Variants in INIP observed in about 807,000 individuals in gnomAD.
INIP encodes the protein INTS3 and NABP interacting protein.
Under a neutral mutation model 14.0 loss-of-function variants are expected in INIP, and 9 were observed. The observed-to-expected ratio is 0.64, with a 90% CI of 0.39 to 1.12. The LOEUF is 1.12. INIP is among the 50% of genes most tolerant of loss of function. The pLI is 0.01. For synonymous variants in INIP, 37 were observed against 41.5 expected, an observed-to-expected ratio of 0.89 and a Z score of 0.41; for missense variants, 78 against 122.7, an observed-to-expected ratio of 0.64 and a Z score of 1.72.
Position 112,716,448 on chromosome 9 carries a change from C to T in INIP, c.25+13G>A, listed in dbSNP as rs185385515. On this transcript the variant is annotated intron_variant, in intron 2 of 4. Transcript: ENST00000374242. ...GGAAATGTTCATAGTAAAGAAATTC[C>T]TGCTGTCATTACCTTGTCCTGAAGA... 1.9e-6 allele frequency: 3 copies of T among 1,612,180 alleles called. No individual in the cohort carries two copies. In the East Asian group the frequency reaches 6.7e-5, roughly 36 times the overall value.
rs1837653653 is a variant in INIP at position 112,686,049 on chromosome 9, T to G, written c.*1489A>C. 6.6e-6 allele frequency: 1 copy of G among 152,118 alleles called. No homozygotes were observed. Among genetic ancestry groups the G allele is most frequent in the African/African-American group, 2.4e-5 (1 of 41,422 alleles). 9.4% of individuals were successfully genotyped at this position (152,118 alleles called of 1,614,324 possible). ...AAACTCTCTGAAAAGAAAGTAGAAC[T>G]TTCACTAAATATTGACCCAAACTGG... On this transcript the variant is annotated 3_prime_UTR_variant, in exon 5 of 5. Coordinates refer to ENST00000374242, the MANE Select transcript of INIP (RefSeq NM_021218.3).
At chr9:112,693,612 T>G (rs1339071745) in intron 3 of INIP, among the ~76,000 whole-genome samples, 1 of 152,230 alleles carries the variant, frequency 6.6e-6, no homozygotes, top group South Asian at 2.1e-4. Context: ...TTAATCTGTC[T>G]TTTGTTACAG....
chr9:112,714,477 T>G (rs1022805475), intron 2 of INIP, among the ~76,000 whole-genome samples: 1 of 152,248 alleles, frequency 6.6e-6, no homozygotes, highest in African/African-American at 2.4e-5. Context: ...AACTCCTTGA[T>G]AGCAGCAAAT....
Position 112,687,436 on chromosome 9 carries a change from A to G in INIP, c.*102T>C. 11 of 681,742 alleles carry G rather than the reference A, an allele frequency of 1.6e-5. No homozygotes were observed. In the South Asian group the frequency reaches 2.1e-4, roughly 13 times the overall value. The allele number at this position is 681,742 out of a possible 1,614,324, so 42.2% of individuals were successfully genotyped here. The stretch of plus-strand genomic sequence containing the variant: ...TCTTTCAGACAAACAAAAAATATCA[A>G]AGTTCACCAAAATTCTTAAAGTCAC... On this transcript the variant is annotated 3_prime_UTR_variant, in exon 5 of 5. Coordinates refer to ENST00000374242, the MANE Select transcript of INIP (RefSeq NM_021218.3).
At chr9:112,705,409 A>G (rs979751669) in intron 2 of INIP, among the ~76,000 whole-genome samples, 1 of 152,066 alleles carries the variant, frequency 6.6e-6, no homozygotes, top group Admixed American at 6.6e-5. Context: ...TCCCCGGCTC[A>G]AGGCATCCTC....
At chr9:112,689,686 T>A in intron 3 of INIP, 69 bp from the exon 4 acceptor site, 2 of 1,155,100 alleles carry the variant, frequency 1.7e-6, no homozygotes, top group Non-Finnish European at 2.6e-6. Context: ...TGGATGGTAG[T>A]AAATTATCTT....
chr9:112,707,152 C>T (rs967955163), intron 2 of INIP, among the ~76,000 whole-genome samples: 17 of 151,558 alleles, frequency 1.1e-4, no homozygotes, highest in East Asian at 7.7e-4. Flanking sequence ...TTGGTCAGGC[C>T]GGTCTCGAAC....
At chr9:112,713,711 C>G (rs771518466) in intron 2 of INIP, among the ~76,000 whole-genome samples, 1 of 152,018 alleles carries the variant, frequency 6.6e-6, no homozygotes, top group Non-Finnish European at 1.5e-5. Flanking sequence ...GTATCTGAGG[C>G]CGGGCACAGT....
intron 2 of INIP, among the ~76,000 whole-genome samples, chr9:112,697,358 C>T (rs1186098244): frequency 1.3e-5 from 2 of 152,214 alleles, no homozygotes; most frequent in African/African-American, 4.8e-5. Context: ...GACATAAATA[C>T]TTACTAGGTT....
chr9:112,687,899 C>T (rs1015970406), intron 4 of INIP, among the ~76,000 whole-genome samples: 19 of 151,950 alleles, frequency 1.3e-4, no homozygotes, highest in Admixed American at 2.6e-4. Flanking sequence ...TCCTGGCTAA[C>T]GTGGTGAAAC....
intron 1 of INIP, 30 bp from the exon 2 acceptor site, chr9:112,716,571 T>C: frequency 1.8e-6 from 2 of 1,085,728 alleles, no homozygotes; most frequent in Non-Finnish European, 2.8e-6. Flanking sequence ...ACATATACAA[T>C]GCACCATATT....
chr9:112,689,035 A>AT (rs1278872204), intron 4 of INIP, among the ~76,000 whole-genome samples: 5 of 151,838 alleles, frequency 3.3e-5, no homozygotes, highest in African/African-American at 4.8e-5. Context: ...TCTGAAGAGT[A>AT]TTTTTTTTAA....
intron 2 of INIP, among the ~76,000 whole-genome samples, chr9:112,702,827 T>C (rs1838343743): frequency 6.6e-6 from 1 of 152,300 alleles, no homozygotes; most frequent in Non-Finnish European, 1.5e-5. Flanking sequence ...CCTCCCAAAG[T>C]GCTGGGATTA....
intron 2 of INIP, chr9:112,701,928 T>C (rs1588081895): frequency 6.6e-6 from 1 of 151,560 alleles, no homozygotes; most frequent in South Asian, 2.1e-4. Flanking sequence ...GGCATGATGG[T>C]GTGTGCCTAC....
Position 112,707,060 on chromosome 9 carries a change from C to G in INIP, c.25+9401G>C, listed in dbSNP as rs532209924. On this transcript the variant is annotated intron_variant, in intron 2 of 4. Transcript: ENST00000374242. ...CCGAGTAGCTGGGATTGCAAGCATGCGTAATCATGCCAGCATAATTACGCA... is the reference window on the plus strand; with the variant it reads ...CCGAGTAGCTGGGATTGCAAGCATGGGTAATCATGCCAGCATAATTACGCA... 1.2e-4 allele frequency among the ~76,000 whole-genome samples: 18 copies of G among 152,166 alleles called. No homozygotes were observed. In the East Asian group the frequency reaches 3.5e-3, roughly 29 times the overall value.
chr9:112,703,643 C>T (rs550946776), intron 2 of INIP, among the ~76,000 whole-genome samples: 1 of 152,268 alleles, frequency 6.6e-6, no homozygotes, highest in South Asian at 2.1e-4. Context: ...ATTGGACTAT[C>T]TTGCTTCTGA....
rs184696332 is a variant in INIP at position 112,684,689 on chromosome 9, C to A, written c.*2849G>T. The A allele has an allele frequency of 6.6e-6, 1 of 152,290 alleles. No homozygotes were observed. Among genetic ancestry groups the A allele is most frequent in the African/African-American group, 2.4e-5 (1 of 41,558 alleles). The allele number at this position is 152,290 out of a possible 1,614,324, so 9.4% of individuals were successfully genotyped here. On this transcript the variant is annotated 3_prime_UTR_variant, in exon 5 of 5. Transcript: ENST00000374242. Reference sequence around the variant, plus strand: ...TTTTCGGAAAAAATGCTGGTCAATCCTGTTAAACCATTAAGTTGGCTTCTC... The same window carrying A: ...TTTTCGGAAAAAATGCTGGTCAATCATGTTAAACCATTAAGTTGGCTTCTC...
At position 112,685,279 on chromosome 9, in the gene INIP, CA is replaced by C. The variant is rs1837620316; in HGVS notation, c.*2258del. 4 of 150,102 alleles carry C rather than the reference CA, an allele frequency of 2.7e-5. No individual in the cohort carries two copies. The South Asian group carries it at 6.3e-4, about 24-fold the overall frequency. The allele number at this position is 150,102 out of a possible 1,614,324, so 9.3% of individuals were successfully genotyped here. ...TTTTTTTTTAATTTTTTAGTAGAGA[CA>C]GGGGTCTCACTATGTTGCCTAGGCT... On this transcript the variant is annotated 3_prime_UTR_variant, in exon 5 of 5. Coordinates refer to ENST00000374242, the MANE Select transcript of INIP (RefSeq NM_021218.3).
At chr9:112,695,194 T>C (rs760561017) in intron 2 of INIP, among the ~76,000 whole-genome samples, 1 of 151,214 alleles carries the variant, frequency 6.6e-6, no homozygotes, top group East Asian at 1.9e-4. Flanking sequence ...GAATTTGAGT[T>C]TCTGATCCCT....
Sources: gnomAD v4.1 joint callset for allele counts (sites outside exome capture counted in the v4.1 genomes callset) on GRCh38, gnomAD v4.1.1 for gene constraint, MANE v1.5 for transcripts, NCBI Gene and HGNC (gene_info 2026-07-23, HGNC 2026-07-21) for gene names.